Variants in ANKS1B observed in about 807,000 individuals in gnomAD.
The protein encoded by ANKS1B is ankyrin repeat and sterile alpha motif domain containing 1B.
A neutral mutation model predicts 148.3 loss-of-function variants in ANKS1B; 36 were observed. The ratio of observed to expected loss-of-function variants is 0.24; its 90% CI spans 0.19 to 0.32. ANKS1B has a LOEUF of 0.32. ANKS1B is among the 10% of genes least tolerant of loss of function. The pLI, the probability that ANKS1B is intolerant of heterozygous loss-of-function variation, is 1.00. For synonymous variants in ANKS1B, 542 were observed against 560.8 expected, an observed-to-expected ratio of 0.97 and a Z score of 0.47; for missense variants, 1,157 against 1,542.6, an observed-to-expected ratio of 0.75 and a Z score of 4.19.
chr12:99,908,229 T>A (rs1311215475), intron 1 of ANKS1B, among the ~76,000 whole-genome samples: 1 of 152,088 alleles, frequency 6.6e-6, no homozygotes, highest in Non-Finnish European at 1.5e-5. Context: ...TTATTCAATA[T>A]CTACTAATAT....
chr12:99,648,131 G>A (rs1199065676), intron 9 of ANKS1B: 4 of 1,576,758 alleles, frequency 2.5e-6, no homozygotes, highest in Non-Finnish European at 3.5e-6. Context: ...TGTTAAGGAA[G>A]GTGTGGAGCA....
intron 10 of ANKS1B, among the ~76,000 whole-genome samples, chr12:99,467,328 A>G (rs1046191100): frequency 1.3e-5 from 2 of 152,254 alleles, no homozygotes; most frequent in African/African-American, 4.8e-5. Flanking sequence ...CCCACAGCCA[A>G]TACCATACTG....
At chr12:98,869,924 T>G (rs932407459) in intron 17 of ANKS1B, among the ~76,000 whole-genome samples, 1 of 152,170 alleles carries the variant, frequency 6.6e-6, no homozygotes, top group Non-Finnish European at 1.5e-5. Flanking sequence ...GAGTACATGA[T>G]GGAATATGGC....
chr12:99,961,450 C>A (rs1192364666), intron 1 of ANKS1B, among the ~76,000 whole-genome samples: 1 of 152,134 alleles, frequency 6.6e-6, no homozygotes, highest in Non-Finnish European at 1.5e-5. Flanking sequence ...TGAGGTGGGG[C>A]TCAAGGAGAC....
intron 11 of ANKS1B, 85 bp downstream of exon 11, chr12:99,443,588 C>T (rs2095586133): frequency 7.2e-7 from 1 of 1,395,450 alleles, no homozygotes; most frequent in South Asian, 1.4e-5. Context: ...TAAAACAGTC[C>T]AGGCATTGCA....
At chr12:99,614,470 G>C (rs1406658898) in intron 9 of ANKS1B, among the ~76,000 whole-genome samples, 1 of 145,198 alleles carries the variant, frequency 6.9e-6, no homozygotes, top group Non-Finnish European at 1.5e-5. Context: ...AGGAGGGGAG[G>C]GGAGGGAAGG....
chr12:99,430,851 G>A (rs1367844713), intron 11 of ANKS1B, among the ~76,000 whole-genome samples: 1 of 152,174 alleles, frequency 6.6e-6, no homozygotes, highest in African/African-American at 2.4e-5. Context: ...AACATATCTA[G>A]AATCACATTG....
intron 14 of ANKS1B, among the ~76,000 whole-genome samples, chr12:99,162,787 C>T (rs1016341501): frequency 1.3e-5 from 2 of 152,142 alleles, no homozygotes; most frequent in Non-Finnish European, 2.9e-5. Flanking sequence ...ACTGGCCGGG[C>T]GTGGTGGCTC....
intron 22 of ANKS1B, chr12:98,794,561 G>C (rs2098930389): frequency 2.8e-6 from 2 of 722,558 alleles, no homozygotes; most frequent in Non-Finnish European, 2.5e-6. Flanking sequence ...CGCAATGATT[G>C]CAAGGTGTTC....
At chr12:99,840,114 A>G (rs1303824662) in intron 1 of ANKS1B, among the ~76,000 whole-genome samples, 1 of 152,160 alleles carries the variant, frequency 6.6e-6, no homozygotes, top group Non-Finnish European at 1.5e-5. Flanking sequence ...ACAATATACA[A>G]ATGAATATAT....
intron 16 of ANKS1B, among the ~76,000 whole-genome samples, chr12:99,056,548 C>T (rs2040252048): frequency 6.6e-6 from 1 of 152,086 alleles, no homozygotes; most frequent in African/African-American, 2.4e-5. Context: ...TTAAGTGTAC[C>T]TTTGTATAAA....
At chr12:99,350,643 G>T (rs1156737462) in intron 12 of ANKS1B, among the ~76,000 whole-genome samples, 1 of 152,008 alleles carries the variant, frequency 6.6e-6, no homozygotes, top group Non-Finnish European at 1.5e-5. Context: ...GGGGTACAAA[G>T]GTACTGCTTT....
intron 14 of ANKS1B, among the ~76,000 whole-genome samples, chr12:99,222,008 C>G (rs1022632980): frequency 6.6e-6 from 1 of 151,926 alleles, no homozygotes; most frequent in Admixed American, 6.5e-5. Context: ...ATTCACACAA[C>G]TAAATACCAG....
chr12:99,644,697 A>C (rs1257116803), intron 9 of ANKS1B, among the ~76,000 whole-genome samples: 2 of 152,138 alleles, frequency 1.3e-5, no homozygotes, highest in Admixed American at 6.5e-5. Flanking sequence ...TACCATTACA[A>C]ATTACCACAA....
At chr12:99,861,554 AT>A (rs1020617670) in intron 1 of ANKS1B, among the ~76,000 whole-genome samples, 6 of 152,082 alleles carry the variant, frequency 3.9e-5, no homozygotes, top group African/African-American at 1.4e-4. Flanking sequence ...TCATGGTTAT[AT>A]TTTTTTCAGA....
intron 17 of ANKS1B, among the ~76,000 whole-genome samples, chr12:98,852,877 T>C (rs1055098796): frequency 2.0e-5 from 3 of 152,154 alleles, no homozygotes; most frequent in African/African-American, 7.2e-5. Context: ...CTAACTTCTG[T>C]TAACTTTCTG....
chr12:99,648,223 G>A (rs760259280), intron 9 of ANKS1B: 25 of 1,614,144 alleles, frequency 1.5e-5, no homozygotes, highest in South Asian at 9.9e-5. Flanking sequence ...AAGCAGCCCC[G>A]CAATGGGCAT....
At chr12:99,721,210 C>G (rs1009072174) in intron 8 of ANKS1B, among the ~76,000 whole-genome samples, 6 of 152,156 alleles carry the variant, frequency 3.9e-5, no homozygotes, top group Non-Finnish European at 7.3e-5. Context: ...TAATCCCACT[C>G]GAAGCAGCCC....
chr12:99,942,853 C>T (rs827793), intron 1 of ANKS1B, among the ~76,000 whole-genome samples: 1 of 152,006 alleles, frequency 6.6e-6, no homozygotes, highest in East Asian at 1.9e-4. Context: ...CCTGTTGTTG[C>T]AGAACAGCCA....
Sources: allele counts gnomAD v4.1 joint callset (sites outside exome capture counted in the v4.1 genomes callset), GRCh38; gene constraint gnomAD v4.1.1; transcripts MANE v1.5; gene names NCBI Gene and HGNC (gene_info 2026-07-23, HGNC 2026-07-21).